Variants in SAMD3 observed in about 807,000 individuals in gnomAD.
SAMD3 encodes the protein sterile alpha motif domain containing 3.
In SAMD3, 63 loss-of-function variants were observed where a neutral mutation model predicts 58.5. The observed-to-expected ratio is 1.08, with a 90% CI of 0.88 to 1.33. The LOEUF (loss-of-function observed/expected upper bound fraction) is 1.33, where lower values mean the gene tolerates loss of function less well. Among genes scored for constraint, SAMD3 ranks in the 40% most tolerant of loss-of-function variants. The pLI, the probability that SAMD3 is intolerant of heterozygous loss-of-function variation, is 0.00. For synonymous variants in SAMD3, 220 were observed against 210.3 expected, an observed-to-expected ratio of 1.05 and a Z score of -0.40; for missense variants, 604 against 608.4, an observed-to-expected ratio of 0.99 and a Z score of 0.08.
At chr6:130,235,680 T>C (rs998312780) in intron 2 of SAMD3, among the ~76,000 whole-genome samples, 1 of 152,228 alleles carries the variant, frequency 6.6e-6, no homozygotes, top group Non-Finnish European at 1.5e-5. Flanking sequence ...CCTCAAAAGT[T>C]AATAATAGAG....
intron 9 of SAMD3, among the ~76,000 whole-genome samples, chr6:130,154,022 T>C (rs1485766231): frequency 6.6e-6 from 1 of 151,978 alleles, no homozygotes; most frequent in African/African-American, 2.4e-5. Context: ...TTATTTGGGA[T>C]CATAAAGGAA....
At chr6:130,323,646 T>C (rs1007172000) in intron 1 of SAMD3, among the ~76,000 whole-genome samples, 6 of 151,736 alleles carry the variant, frequency 4.0e-5, no homozygotes, top group Non-Finnish European at 5.9e-5. Context: ...CTACTTAAAA[T>C]ACAAAACTTA....
At chr6:130,219,258 C>A (rs1300289133) in intron 1 of SAMD3, among the ~76,000 whole-genome samples, 1 of 152,044 alleles carries the variant, frequency 6.6e-6, no homozygotes, top group Non-Finnish European at 1.5e-5. Context: ...TGAAACACAC[C>A]AAAAGGGGCT....
chr6:130,214,933 A>G (rs1156427305), intron 3 of SAMD3, among the ~76,000 whole-genome samples: 1 of 152,212 alleles, frequency 6.6e-6, no homozygotes, highest in Non-Finnish European at 1.5e-5. Flanking sequence ...TATTAAATGC[A>G]TATATCAAAT....
At chr6:130,183,464 C>A (rs1193484916) in intron 7 of SAMD3, 6 of 428,000 alleles carry the variant, frequency 1.4e-5, no homozygotes, top group Non-Finnish European at 2.7e-5. Flanking sequence ...GACCTCAAAG[C>A]CAGACAACAG....
chr6:130,261,697 A>C (rs960459176), intron 2 of SAMD3, among the ~76,000 whole-genome samples: 4 of 152,174 alleles, frequency 2.6e-5, no homozygotes, highest in South Asian at 4.1e-4. Context: ...GATTTAAAGG[A>C]GACTATGTAG....
At chr6:130,252,114 T>C (rs1403155627) in intron 2 of SAMD3, among the ~76,000 whole-genome samples, 1 of 152,126 alleles carries the variant, frequency 6.6e-6, no homozygotes, top group Non-Finnish European at 1.5e-5. Flanking sequence ...TTATTATATC[T>C]TCTTGACATT....
intron 8 of SAMD3, among the ~76,000 whole-genome samples, chr6:130,155,910 A>G (rs1034814646): frequency 6.6e-6 from 1 of 152,194 alleles, no homozygotes; most frequent in Non-Finnish European, 1.5e-5. Context: ...AAGTTCCTAT[A>G]ATCTTATACA....
chr6:130,312,444 T>C (rs1776207505), intron 2 of SAMD3, among the ~76,000 whole-genome samples: 1 of 152,196 alleles, frequency 6.6e-6, no homozygotes, highest in Admixed American at 6.5e-5. Context: ...CCCTTACCCT[T>C]AGAGTCCTCC....
intron 1 of SAMD3, among the ~76,000 whole-genome samples, chr6:130,330,710 A>C (rs1040910679): frequency 2.6e-5 from 4 of 152,172 alleles, no homozygotes; most frequent in Non-Finnish European, 5.9e-5. Flanking sequence ...TACTGGTGGA[A>C]GGGGTAGATT....
chr6:130,256,460 T>A (rs1210284570), intron 2 of SAMD3, among the ~76,000 whole-genome samples: 2 of 152,222 alleles, frequency 1.3e-5, no homozygotes, highest in African/African-American at 2.4e-5. Flanking sequence ...AAATACTTTT[T>A]AAAATTCATA....
intron 8 of SAMD3, 52 bp from the exon 9 acceptor site, chr6:130,155,077 G>C: frequency 1.4e-6 from 2 of 1,479,108 alleles, no homozygotes; most frequent in Non-Finnish European, 1.9e-6. Flanking sequence ...ATAAAAACTT[G>C]AATTTCAGGC....
At chr6:130,207,373 A>T (rs1795177166) in intron 5 of SAMD3, among the ~76,000 whole-genome samples, 1 of 152,070 alleles carries the variant, frequency 6.6e-6, no homozygotes, top group African/African-American at 2.4e-5. Context: ...TCTATTCTTA[A>T]TGCTCAAAAC....
At chr6:130,171,579 G>C (rs1197566890) in intron 8 of SAMD3, among the ~76,000 whole-genome samples, 2 of 152,190 alleles carry the variant, frequency 1.3e-5, no homozygotes, top group Non-Finnish European at 2.9e-5. Flanking sequence ...CTGAGAGACT[G>C]TTATGATTTC....
intron 1 of SAMD3, among the ~76,000 whole-genome samples, chr6:130,337,794 T>G (rs1257902952): frequency 6.6e-6 from 1 of 152,178 alleles, no homozygotes; most frequent in African/African-American, 2.4e-5. Context: ...TAGAGATCTG[T>G]GGAACTTTGA....
chr6:130,304,926 CTTTTTTTTTTT>C (rs777084920), intron 2 of SAMD3, among the ~76,000 whole-genome samples: 4 of 103,376 alleles, frequency 3.9e-5, no homozygotes, highest in Non-Finnish European at 5.7e-5. Context: ...CATTTTCTTC[CTTTTTTTTTTT>C]TTTTTTTTTT....
chr6:130,331,265 A>G (rs1225003941), intron 1 of SAMD3, among the ~76,000 whole-genome samples: 1 of 152,264 alleles, frequency 6.6e-6, no homozygotes, highest in Non-Finnish European at 1.5e-5. Context: ...GTACAATCCA[A>G]TAATACAAGG....
chr6:130,283,516 T>A (rs941074377), intron 2 of SAMD3, among the ~76,000 whole-genome samples: 3 of 152,026 alleles, frequency 2.0e-5, no homozygotes, highest in African/African-American at 7.2e-5. Flanking sequence ...AAATACAGAT[T>A]ACCTAAAAAG....
intron 2 of SAMD3, among the ~76,000 whole-genome samples, chr6:130,267,739 T>C (rs886180024): frequency 3.3e-5 from 5 of 152,186 alleles, no homozygotes; most frequent in Admixed American, 6.5e-5. Context: ...TAGAAAGACA[T>C]TGTGAAACTT....
Sources: gnomAD v4.1 joint callset for allele counts (sites outside exome capture counted in the v4.1 genomes callset) on GRCh38, gnomAD v4.1.1 for gene constraint, MANE v1.5 for transcripts, NCBI Gene and HGNC (gene_info 2026-07-23, HGNC 2026-07-21) for gene names.